Variants in LDLRAD4 observed in about 807,000 individuals in gnomAD.
LDLRAD4 encodes the protein low-density lipoprotein receptor class A domain-containing protein 4.
LDLRAD4 carries 5 observed loss-of-function variants against 17.0 expected under a neutral mutation model. That is an observed-to-expected ratio of 0.29 (90% CI 0.15 to 0.62). The LOEUF (loss-of-function observed/expected upper bound fraction) is 0.62. Among genes scored for constraint, LDLRAD4 ranks in the 20% least tolerant of loss-of-function variants. The pLI is 0.84. For missense variants in LDLRAD4, 340 were observed against 424.7 expected (o/e 0.80, Z 1.75); for synonymous variants, 168 against 171.8 (o/e 0.98, Z 0.17).
At chr18:13,364,971 A>G (rs1435872340) in intron 1 of LDLRAD4, among the ~76,000 whole-genome samples, 1 of 152,210 alleles carries the variant, frequency 6.6e-6, no homozygotes, top group Non-Finnish European at 1.5e-5. Context: ...TTAGGGAGAC[A>G]AGACACACCA....
Position 13,404,873 on chromosome 18 carries a change from C to G in LDLRAD4, c.40+17111C>G, listed in dbSNP as rs538455418. Reference sequence around the variant, plus strand: ...TCAGGCCCTGTTTTAATATGCGTTTCAGCTGTCGGTGGTGTTTCAGAAATG... The same window carrying G: ...TCAGGCCCTGTTTTAATATGCGTTTGAGCTGTCGGTGGTGTTTCAGAAATG... On this transcript the variant is annotated intron_variant, in intron 2 of 5. Coordinates refer to ENST00000359446, the Ensembl canonical transcript of LDLRAD4. 7.2e-5 allele frequency among the ~76,000 whole-genome samples: 11 copies of G among 151,816 alleles called. No homozygotes were observed. In the South Asian group the frequency reaches 2.3e-3, roughly 32 times the overall value.
chr18:13,637,239 C>T (rs1601851938), intron 4 of LDLRAD4, among the ~76,000 whole-genome samples: 1 of 152,098 alleles, frequency 6.6e-6, no homozygotes, highest in Non-Finnish European at 1.5e-5. Context: ...GTGACTGCCT[C>T]GGTGGGAAGC....
At chr18:13,595,478 A>G (rs577519289) in intron 3 of LDLRAD4, among the ~76,000 whole-genome samples, 1 of 151,688 alleles carries the variant, frequency 6.6e-6, no homozygotes, top group East Asian at 1.9e-4. Flanking sequence ...TTGTTATTCC[A>G]TCTTTGACCC....
chr18:13,577,054 T>C (rs1320330492), intron 3 of LDLRAD4, among the ~76,000 whole-genome samples: 1 of 147,788 alleles, frequency 6.8e-6, no homozygotes, highest in Non-Finnish European at 1.5e-5. Flanking sequence ...CCTGGTGATA[T>C]TTTTGTTTTT....
intron 1 of LDLRAD4, among the ~76,000 whole-genome samples, chr18:13,364,364 G>T (rs1388666757): frequency 6.6e-6 from 1 of 151,970 alleles, no homozygotes; most frequent in Admixed American, 6.6e-5. Flanking sequence ...AAGAGACAAG[G>T]TCTTGCTCTG....
intron 3 of LDLRAD4, among the ~76,000 whole-genome samples, chr18:13,443,727 C>G (rs557753569): frequency 3.9e-5 from 6 of 152,268 alleles, no homozygotes; most frequent in Non-Finnish European, 4.4e-5. Flanking sequence ...TCCTCCTCCC[C>G]CTTCTCCCTT....
intron 2 of LDLRAD4, among the ~76,000 whole-genome samples, chr18:13,415,372 C>T (rs757140996): frequency 4.6e-5 from 7 of 152,156 alleles, no homozygotes; most frequent in Non-Finnish European, 8.8e-5. Context: ...ACGAGGCTTG[C>T]GTGCCTGTGT....
At position 13,352,234 on chromosome 18, in the gene LDLRAD4, A is replaced by G. The variant is rs1019058081; in HGVS notation, c.-382-35107A>G. On this transcript the variant is annotated intron_variant, in intron 1 of 5. Transcript: ENST00000359446. Reference sequence around the variant, plus strand: ...AAGGATACCCTTTCTCACCACTTCTATTCAACATAGTGTTGGAAGTTGTGG... The same window carrying G: ...AAGGATACCCTTTCTCACCACTTCTGTTCAACATAGTGTTGGAAGTTGTGG... Among the ~76,000 whole-genome samples the G allele has an allele frequency of 5.9e-5, 9 of 152,242 alleles. No homozygotes were observed. In the South Asian group the frequency reaches 6.2e-4, roughly 11 times the overall value.
At position 13,248,912 on chromosome 18, in the gene LDLRAD4, C is replaced by T. The variant is rs559915617; in HGVS notation, c.-466-29193C>T. On this transcript the variant is annotated intron_variant, in intron 1 of 5. Coordinates refer to the LDLRAD4 transcript ENST00000399848. Reference sequence around the variant, plus strand: ...TCTCCCTATCCCCCTTTCCCTACAACCCTTCCCAACTTCTAGTATTCCCTT... The same window carrying T: ...TCTCCCTATCCCCCTTTCCCTACAATCCTTCCCAACTTCTAGTATTCCCTT... 9.4e-4 allele frequency among the ~76,000 whole-genome samples: 143 copies of T among 152,348 alleles called. 2 individuals carry two copies. In the South Asian group the frequency reaches 0.028, roughly 30 times the overall value.
At chr18:13,627,654 G>T (rs1447919597) in intron 4 of LDLRAD4, among the ~76,000 whole-genome samples, 1 of 152,232 alleles carries the variant, frequency 6.6e-6, no homozygotes, top group African/African-American at 2.4e-5. Context: ...GGTCAACAGT[G>T]CTGTGCGTGT....
chr18:13,494,676 A>ATATATATAATATTATAT (rs1365539535), intron 3 of LDLRAD4, among the ~76,000 whole-genome samples: 1 of 4,726 alleles, frequency 2.1e-4, no homozygotes, highest in Non-Finnish European at 4.9e-4. Context: ...ATTTAATAAT[A>ATATATATAATATTATAT]TAATATATTA....
At chr18:13,403,634 TG>T (rs906593604) in intron 2 of LDLRAD4, among the ~76,000 whole-genome samples, 1 of 152,206 alleles carries the variant, frequency 6.6e-6, no homozygotes, top group Non-Finnish European at 1.5e-5. Context: ...TGATGGTGAA[TG>T]TGTGGTTTGG....
chr18:13,527,268 G>A (rs1228410544), intron 3 of LDLRAD4, among the ~76,000 whole-genome samples: 4 of 152,272 alleles, frequency 2.6e-5, no homozygotes, highest in Non-Finnish European at 5.9e-5. Context: ...CAGCCTTAGA[G>A]AGTCGTGCAT....
intron 3 of LDLRAD4, chr18:13,460,903 G>A: frequency 6.6e-6 from 1 of 152,348 alleles, no homozygotes; most frequent in East Asian, 1.9e-4. Flanking sequence ...CAGCCCACTG[G>A]GGTGTAGTAG....
chr18:13,636,384 C>T (rs1190110246), intron 4 of LDLRAD4, among the ~76,000 whole-genome samples: 4 of 149,916 alleles, frequency 2.7e-5, no homozygotes, highest in South Asian at 2.1e-4. Context: ...TGTTGTTCAA[C>T]GGTCCACTGT....
chr18:13,315,922 G>T (rs545995317), intron 1 of LDLRAD4, among the ~76,000 whole-genome samples: 5 of 152,118 alleles, frequency 3.3e-5, no homozygotes, highest in Admixed American at 6.6e-5. Flanking sequence ...CTGCACTGTA[G>T]ATTGACAGAA....
intron 1 of LDLRAD4, among the ~76,000 whole-genome samples, chr18:13,284,047 G>A (rs1428421668): frequency 1.3e-5 from 2 of 152,166 alleles, no homozygotes; most frequent in African/African-American, 2.4e-5. Flanking sequence ...TCCCTCCCAC[G>A]ATATGTGGGA....
rs117281988 is a variant in LDLRAD4, at chr18:13,267,841, T to C, written c.-466-10264T>C. 4.9e-4 allele frequency among the ~76,000 whole-genome samples: 75 copies of C among 152,350 alleles called. No homozygotes were observed. The East Asian group carries it at 0.014, about 29-fold the overall frequency. On this transcript the variant is annotated intron_variant, in intron 1 of 5. Coordinates refer to the LDLRAD4 transcript ENST00000399848. The stretch of plus-strand genomic sequence containing the variant: ...CAGACTGTGAGTCACCCACTGTCCT[T>C]CCTGAGCTTTGACTTAAGGTAACAT...
At chr18:13,443,709 T>TCTCCTCCTCCTC (rs557743448) in intron 3 of LDLRAD4, among the ~76,000 whole-genome samples, 1 of 151,410 alleles carries the variant, frequency 6.6e-6, no homozygotes, top group Non-Finnish European at 1.5e-5. Context: ...GTCGTCGTCG[T>TCTCCTCCTCCTC]CTCCTCCTCC....
Sources: allele counts gnomAD v4.1 joint callset (sites outside exome capture counted in the v4.1 genomes callset), GRCh38; gene constraint gnomAD v4.1.1; transcripts MANE v1.5; gene names NCBI Gene and HGNC (gene_info 2026-07-23, HGNC 2026-07-21).